COL9A1: variants seen among roughly 807,000 people sequenced by gnomAD.
The protein encoded by COL9A1 is collagen type IX alpha 1 chain.
COL9A1 carries 104 observed loss-of-function variants against 142.6 expected under a neutral mutation model. The ratio of observed to expected loss-of-function variants is 0.73; its 90% CI spans 0.62 to 0.86. The LOEUF (loss-of-function observed/expected upper bound fraction) is 0.86. COL9A1 is among the 40% of genes least tolerant of loss of function. The probability of loss-of-function intolerance (pLI) is 0.00; values close to 1 mark genes in which losing one functional copy is unlikely to be tolerated. For synonymous variants in COL9A1, 466 were observed against 396.0 expected (o/e 1.18, Z -2.10); for missense variants, 1,210 against 1,176.6 (o/e 1.03, Z -0.42).
intron 10 of COL9A1, among the ~76,000 whole-genome samples, chr6:70,276,752 G>A (rs1324662214): frequency 1.3e-5 from 2 of 152,162 alleles, no homozygotes; most frequent in African/African-American, 4.8e-5. Context: ...GTTTAAGGAG[G>A]CCTTCCAGGT....
At chr6:70,227,052 G>A (rs1769273873) in intron 36 of COL9A1, among the ~76,000 whole-genome samples, 1 of 151,996 alleles carries the variant, frequency 6.6e-6, no homozygotes, top group African/African-American at 2.4e-5. Context: ...TAATGAAGGT[G>A]GTGTCTTAAA....
chr6:70,279,479 A>G (rs1772978310), intron 10 of COL9A1: 1 of 152,218 alleles, frequency 6.6e-6, no homozygotes, highest in Admixed American at 6.5e-5. Context: ...CATCTCTACT[A>G]AAAATACAAA....
chr6:70,232,882 C>A, intron 35 of COL9A1, 111 bp from the exon 36 acceptor site: 2 of 1,072,872 alleles, frequency 1.9e-6, no homozygotes, highest in Non-Finnish European at 2.8e-6. Flanking sequence ...ACCAGATCTT[C>A]AAAATTGGTA....
At chr6:70,265,472 A>T (rs1771950889) in intron 18 of COL9A1, among the ~76,000 whole-genome samples, 1 of 149,988 alleles carries the variant, frequency 6.7e-6, no homozygotes, top group African/African-American at 2.4e-5. Flanking sequence ...TGGCTATGAC[A>T]TATTTAATTT....
At position 70,280,927 on chromosome 6, in the gene COL9A1, A is replaced by G. The variant is rs957683079; in HGVS notation, c.913-53T>C. Reference sequence around the variant, plus strand: ...CAGGAGAGAAAAAGGTGCAAAGTTGAGACCCTTCAGAAACAGGGGGCTGCA... The same window carrying G: ...CAGGAGAGAAAAAGGTGCAAAGTTGGGACCCTTCAGAAACAGGGGGCTGCA... On this transcript the variant is annotated intron_variant, in intron 9 of 37. Coordinates refer to ENST00000357250, the MANE Select transcript of COL9A1 (RefSeq NM_001851.6). 3 of 1,612,884 alleles carry G rather than the reference A, an allele frequency of 1.9e-6. No individual in the cohort carries two copies. In the African/African-American group the frequency reaches 4.0e-5, roughly 22 times the overall value.
At chr6:70,267,484 G>A (rs772376292) in intron 17 of COL9A1, among the ~76,000 whole-genome samples, 9 of 151,944 alleles carry the variant, frequency 5.9e-5, no homozygotes, top group Non-Finnish European at 1.3e-4. Flanking sequence ...CACTATGCCC[G>A]GCTAATTTTG....
intron 28 of COL9A1, among the ~76,000 whole-genome samples, chr6:70,249,187 T>TTTTTTTTTTTTTTTTTTTTTTTTGAG (rs1554237008): frequency 1.3e-5 from 2 of 151,530 alleles, no homozygotes; most frequent in Non-Finnish European, 1.5e-5. Context: ...TGAAGATTTT[T>TTTTTTTTTTTTTTTTTTTTTTTTGAG]AAATGGGGAG....
At chr6:70,277,191 G>T (rs1772817794) in intron 10 of COL9A1, among the ~76,000 whole-genome samples, 1 of 151,934 alleles carries the variant, frequency 6.6e-6, no homozygotes, top group African/African-American at 2.4e-5. Flanking sequence ...TTATAAGAAA[G>T]AATAAAATAC....
chr6:70,301,156 A>G (rs1167440055), intron 2 of COL9A1, among the ~76,000 whole-genome samples: 1 of 152,210 alleles, frequency 6.6e-6, no homozygotes, highest in Non-Finnish European at 1.5e-5. Context: ...ACACAAATGG[A>G]AGGTCAAAGG....
intron 5 of COL9A1, among the ~76,000 whole-genome samples, chr6:70,291,318 C>A (rs982314441): frequency 6.6e-6 from 1 of 152,134 alleles, no homozygotes; most frequent in African/African-American, 2.4e-5. Context: ...AAACATTGTA[C>A]CTTGTCTTCT....
chr6:70,234,669 ACT>A lies in COL9A1; in HGVS notation c.2260-78_2260-77del. The A allele has an allele frequency of 5.0e-6, 8 of 1,605,554 alleles. No individual in the cohort carries two copies. The South Asian group carries it at 8.8e-5, about 18-fold the overall frequency. ...ACATTGTTAAGTTGTAAACTGACAG[ACT>A]CTGCAAGGAGCCAGGTGGCTGGATT... On this transcript the variant is annotated intron_variant, in intron 34 of 37. Transcript: ENST00000357250.
At chr6:70,282,959 C>G (rs199603133) in intron 6 of COL9A1, 41 bp from the exon 7 acceptor site, 61 of 1,614,088 alleles carry the variant, frequency 3.8e-5, no homozygotes, top group Non-Finnish European at 4.9e-5. Flanking sequence ...AAAAGCACCC[C>G]TCAAACTCGA....
intron 4 of COL9A1, among the ~76,000 whole-genome samples, chr6:70,298,287 T>C (rs557957870): frequency 3.3e-5 from 5 of 152,328 alleles, no homozygotes; most frequent in African/African-American, 1.2e-4. Context: ...CTACTCTACA[T>C]AGCAACCTCA....
Position 70,218,386 on chromosome 6 carries a change from G to A in COL9A1, c.2582-1305C>T, listed in dbSNP as rs370453291. Among the ~76,000 whole-genome samples the A allele has an allele frequency of 9.3e-4, 142 of 152,222 alleles. 6 individuals are homozygous for A. The South Asian group carries it at 0.023, about 25-fold the overall frequency. ...TTAAGGGTTGTATGTTGCCCTCAATGGGGCACACTCTCTGAGGCACAGCAC... is the reference window on the plus strand; with the variant it reads ...TTAAGGGTTGTATGTTGCCCTCAATAGGGCACACTCTCTGAGGCACAGCAC... On this transcript the variant is annotated intron_variant, in intron 37 of 37. Coordinates refer to ENST00000357250, the MANE Select transcript of COL9A1 (RefSeq NM_001851.6).
intron 20 of COL9A1, chr6:70,258,695 G>A (rs561410526): frequency 6.6e-6 from 1 of 152,240 alleles, no homozygotes; most frequent in Admixed American, 6.5e-5. Context: ...CATGAGCTTA[G>A]ACCCAAACTG....
chr6:70,272,022 T>A, intron 13 of COL9A1, 43 bp downstream of exon 13: 1 of 1,593,558 alleles, frequency 6.3e-7, no homozygotes, highest in Non-Finnish European at 8.6e-7. Flanking sequence ...AAATAGGACA[T>A]TTTTATAGAC....
intron 4 of COL9A1, among the ~76,000 whole-genome samples, chr6:70,299,415 A>G (rs1441130237): frequency 6.6e-6 from 1 of 152,192 alleles, no homozygotes. Flanking sequence ...TATCAAAACT[A>G]AATTGCTGAG....
At chr6:70,262,920 T>C (rs922682189) in intron 19 of COL9A1, among the ~76,000 whole-genome samples, 16 of 152,386 alleles carry the variant, frequency 1.0e-4, no homozygotes, top group Non-Finnish European at 2.4e-4. Context: ...TATCATGTGA[T>C]AATACGATAG....
chr6:70,266,779 T>G lies in COL9A1; in HGVS notation c.1288-9A>C. On this transcript the variant is annotated splice_polypyrimidine_tract_variant and intron_variant, in intron 17 of 37. Transcript: ENST00000357250. The stretch of plus-strand genomic sequence containing the variant: ...TTAGCCCCTTTATGACCCTAACAAA[T>G]GCAAAATAAGTAATTGTCTTGAGTT... 1 of 1,611,750 alleles carries G rather than the reference T, an allele frequency of 6.2e-7. No homozygotes were observed. Among genetic ancestry groups the G allele is most frequent in the Non-Finnish European group, 8.5e-7 (1 of 1,178,012 alleles).
Sources: allele counts gnomAD v4.1 joint callset (sites outside exome capture counted in the v4.1 genomes callset), GRCh38; gene constraint gnomAD v4.1.1; transcripts MANE v1.5; gene names NCBI Gene and HGNC (gene_info 2026-07-23, HGNC 2026-07-21).